Variants in CHN1 observed in about 807,000 individuals in gnomAD.
CHN1 encodes N-chimaerin.
CHN1 carries 37 observed loss-of-function variants against 59.5 expected under a neutral mutation model. The ratio of observed to expected loss-of-function variants is 0.62; its 90% CI spans 0.48 to 0.82. CHN1 has a LOEUF of 0.82. Ranked by LOEUF, CHN1 falls within the 40% of genes least tolerant of loss-of-function variation. The pLI is 0.00. For synonymous variants in CHN1, 206 were observed against 200.4 expected (o/e 1.03, Z -0.24); for missense variants, 469 against 571.0 (o/e 0.82, Z 1.82).
intron 5 of CHN1, among the ~76,000 whole-genome samples, chr2:174,884,093 G>A (rs997499912): frequency 1.3e-5 from 2 of 150,524 alleles, no homozygotes; most frequent in Non-Finnish European, 1.5e-5. Flanking sequence ...TCAGCCTCCC[G>A]AGTAGCTGGG....
At chr2:174,940,365 G>C (rs1227895744) in intron 3 of CHN1, among the ~76,000 whole-genome samples, 1 of 152,058 alleles carries the variant, frequency 6.6e-6, no homozygotes, top group Non-Finnish European at 1.5e-5. Flanking sequence ...ATCTAGGAAA[G>C]TTATTATGAT....
At chr2:174,915,423 C>T (rs1688818141) in intron 4 of CHN1, 1 of 365,866 alleles carries the variant, frequency 2.7e-6, no homozygotes, top group Non-Finnish European at 5.0e-6. Flanking sequence ...AATCAAAATT[C>T]ACATCCATCT....
intron 1 of CHN1, among the ~76,000 whole-genome samples, chr2:174,984,366 C>CTT (rs397986749): frequency 1.1e-3 from 127 of 117,146 alleles, no homozygotes; most frequent in African/African-American, 1.4e-3. Flanking sequence ...GTTTTATAAG[C>CTT]TTTTTTTTTT....
At chr2:174,847,244 G>T in intron 6 of CHN1, 2 of 1,409,714 alleles carry the variant, frequency 1.4e-6, no homozygotes, top group Non-Finnish European at 9.2e-7. Flanking sequence ...CCTACAGAGA[G>T]CTGCAGAGAA....
chr2:174,955,082 T>C (rs1445966711), intron 1 of CHN1, among the ~76,000 whole-genome samples: 1 of 150,924 alleles, frequency 6.6e-6, no homozygotes, highest in Non-Finnish European at 1.5e-5. Context: ...ATGCGGTATA[T>C]ACATCTATAT....
chr2:174,956,967 T>C (rs1458511205), intron 1 of CHN1, among the ~76,000 whole-genome samples: 2 of 152,188 alleles, frequency 1.3e-5, no homozygotes, highest in Non-Finnish European at 2.9e-5. Flanking sequence ...TGTGTGCCTC[T>C]GGTCACAACA....
intron 6 of CHN1, among the ~76,000 whole-genome samples, chr2:174,875,486 C>CCA (rs1687540159): frequency 6.6e-6 from 1 of 152,158 alleles, no homozygotes; most frequent in Non-Finnish European, 1.5e-5. Flanking sequence ...ATCTTGGAGA[C>CCA]CACCTAGTCC....
chr2:174,878,058 C>G lies in CHN1; in HGVS notation c.331G>C (p.Glu111Gln). Reference sequence around the variant, plus strand: ...TCAGTCACCAGATCGTGGATGGACTCAAAGCGTTTCTCCCCAACAAAGTGC... The same window carrying G: ...TCAGTCACCAGATCGTGGATGGACTGAAAGCGTTTCTCCCCAACAAAGTGC... ...GKHFVGEKRF[E>Q]SIHDLVTDGL... Residue 111 changes from glutamate (E) to glutamine (Q), a missense_variant, in exon 6 of 13, where the codon GAG becomes CAG. Around this residue, in one of 5 missense-constraint regions of CHN1, gnomAD observed 152 missense variants for 166.1 expected, o/e 0.92. Transcript: ENST00000409900. 1.2e-6 allele frequency: 2 copies of G among 1,613,404 alleles called. No individual in the cohort carries two copies. Among genetic ancestry groups the G allele is most frequent in the Non-Finnish European group, 1.7e-6 (2 of 1,179,554 alleles).
intron 5 of CHN1, among the ~76,000 whole-genome samples, chr2:174,900,142 T>C (rs1047964066): frequency 6.6e-6 from 1 of 152,210 alleles, no homozygotes; most frequent in South Asian, 2.1e-4. Flanking sequence ...AAATAAATTA[T>C]TGGTGGATAA....
intron 10 of CHN1, 120 bp from the exon 11 acceptor site, chr2:174,809,162 T>TA: frequency 1.1e-6 from 1 of 904,196 alleles, no homozygotes. Context: ...GTTTTTAACG[T>TA]AAAATTTAGT....
rs1384732704 is a variant in CHN1 at position 174,809,003 on chromosome 2, T to A, written c.1004A>T (p.Asp335Val). 1.2e-6 allele frequency: 2 copies of A among 1,612,348 alleles called. No individual in the cohort carries two copies. Among genetic ancestry groups the A allele is most frequent in the Non-Finnish European group, 1.7e-6 (2 of 1,179,204 alleles). ...KADISVNMYE[D>V]INIITGALKL... Reference sequence around the variant, plus strand: ...AAGTGCACCAGTGATAATGTTGATATCTTCATACATGTTCACAGAAATATC... The same window carrying A: ...AAGTGCACCAGTGATAATGTTGATAACTTCATACATGTTCACAGAAATATC... The change falls in exon 11 of 13, where the codon GAT becomes GTT. Residue 335 changes from aspartate to valine, a missense_variant. Around this residue, in one of 5 missense-constraint regions of CHN1, gnomAD observed 225 missense variants for 289.9 expected, o/e 0.78. Coordinates refer to ENST00000409900, the MANE Select transcript of CHN1 (RefSeq NM_001822.7).
In CHN1 at chr2:174,800,100, C is replaced by T. The variant is rs1351156929; in HGVS notation, c.*16G>A. The T allele has an allele frequency of 1.3e-6, 2 of 1,532,188 alleles. No individual in the cohort carries two copies. Among genetic ancestry groups the T allele is most frequent in the Admixed American group, 4.4e-5 (2 of 45,866 alleles). 94.9% of individuals were successfully genotyped at this position (1,532,188 alleles called of 1,614,324 possible). Reference sequence around the variant, plus strand: ...CTTCATCTGTAAAACATTTCTTTTCCCCTCAAATTAAAAATTTAAAATAAA... The same window carrying T: ...CTTCATCTGTAAAACATTTCTTTTCTCCTCAAATTAAAAATTTAAAATAAA... On this transcript the variant is annotated 3_prime_UTR_variant, in exon 13 of 13. Coordinates refer to ENST00000409900, the MANE Select transcript of CHN1 (RefSeq NM_001822.7).
At chr2:174,954,244 T>C (rs747401412) in intron 1 of CHN1, among the ~76,000 whole-genome samples, 2 of 152,094 alleles carry the variant, frequency 1.3e-5, no homozygotes, top group African/African-American at 2.4e-5. Flanking sequence ...AAGCCACATG[T>C]AGAAGAACAA....
intron 1 of CHN1, among the ~76,000 whole-genome samples, chr2:174,975,293 T>C (rs1690886417): frequency 6.6e-6 from 1 of 152,216 alleles, no homozygotes; most frequent in African/African-American, 2.4e-5. Context: ...TCTTAGATTT[T>C]TTTAATTTTT....
chr2:174,992,805 T>A (rs1453202399), intron 1 of CHN1, among the ~76,000 whole-genome samples: 2 of 131,254 alleles, frequency 1.5e-5, no homozygotes, highest in African/African-American at 7.1e-5. Flanking sequence ...ATCTAATCAC[T>A]TTTTTTTTTT....
intron 7 of CHN1, among the ~76,000 whole-genome samples, chr2:174,831,997 C>A (rs183727906): frequency 2.1e-3 from 325 of 152,206 alleles, no homozygotes; most frequent in African/African-American, 6.9e-3. Flanking sequence ...GGTAACTGAA[C>A]ACTGACATAC....
chr2:174,807,619 C>T lies in CHN1; in HGVS notation c.1102+1286G>A, dbSNP rs527631489. ...ATACAAATTTTCATGATCAGCACTG[C>T]GTCCATAAGAGACCTAGAATTTTTC... is the stretch of plus-strand genomic sequence containing the variant. On this transcript the variant is annotated intron_variant, in intron 11 of 12. Transcript: ENST00000409900. Among the ~76,000 whole-genome samples, 13 of 151,938 alleles carry T rather than the reference C, an allele frequency of 8.6e-5. No individual in the cohort carries two copies. The South Asian group carries it at 1.9e-3, about 22-fold the overall frequency.
rs769708457 is a variant in CHN1, at chr2:174,915,131, A to G, written c.187T>C (p.Leu63=). 5.0e-6 allele frequency: 8 copies of G among 1,612,196 alleles called. No individual in the cohort carries two copies. In the East Asian group the frequency reaches 1.8e-4, roughly 36 times the overall value. ...MISREAADQL[L]IVAEGSYLIR... ...AGGTAGCTCCCCTCAGCCACAATCA[A>G]GAGCTGGTCGGCTGCTTCTCTGGAG... The change falls in exon 5 of 13, where the codon TTG becomes CTG. Residue 63 remains leucine, a synonymous_variant. Coordinates refer to ENST00000409900, the MANE Select transcript of CHN1 (RefSeq NM_001822.7).
intron 1 of CHN1, among the ~76,000 whole-genome samples, chr2:174,974,680 A>T (rs1327100782): frequency 6.6e-6 from 1 of 152,168 alleles, no homozygotes; most frequent in African/African-American, 2.4e-5. Context: ...AGCACCAATA[A>T]AATGTTCAAA....
Sources: gnomAD v4.1 joint callset for allele counts (sites outside exome capture counted in the v4.1 genomes callset) on GRCh38, gnomAD v4.1.1 for gene constraint, gnomAD v4.1.1 regional missense constraint, MANE v1.5 for transcripts, NCBI Gene and HGNC (gene_info 2026-07-23, HGNC 2026-07-21) for gene names.